Variants in ADK observed in about 807,000 individuals in gnomAD.
ADK encodes the protein adenosine kinase.
In ADK, 24 loss-of-function variants were observed where a neutral mutation model predicts 44.7. The ratio of observed to expected loss-of-function variants is 0.54; its 90% CI spans 0.39 to 0.76. ADK has a LOEUF of 0.76. ADK is among the 30% of genes least tolerant of loss of function. The pLI is 0.00. For missense variants in ADK, 321 were observed against 425.1 expected (o/e 0.76, Z 2.15); for synonymous variants, 128 against 142.6 (o/e 0.90, Z 0.73).
At chr10:74,225,069 A>G (rs1844480701) in intron 3 of ADK, among the ~76,000 whole-genome samples, 1 of 152,194 alleles carries the variant, frequency 6.6e-6, no homozygotes, top group South Asian at 2.1e-4. Flanking sequence ...TGTTTGGTAC[A>G]AGGTAAAACA....
rs150617447 is a variant in ADK at position 74,242,411 on chromosome 10, C to T, written c.194+17820C>T. On this transcript the variant is annotated intron_variant, in intron 3 of 10. Coordinates refer to ENST00000539909, the MANE Select transcript of ADK (RefSeq NM_006721.4). Reference sequence around the variant, plus strand: ...TCCATTGTACACTCAGTGCCTAGCACGGGGTAACACAGTATGTGATTAACC... The same window carrying T: ...TCCATTGTACACTCAGTGCCTAGCATGGGGTAACACAGTATGTGATTAACC... Among the ~76,000 whole-genome samples the T allele has an allele frequency of 4.6e-3, 699 of 152,266 alleles. 2 individuals are homozygous for T. The highest frequency in any genetic ancestry group is 0.02 in the Middle Eastern group (6 of 294).
chr10:74,329,891 A>G (rs1164408372), intron 4 of ADK, among the ~76,000 whole-genome samples: 6 of 152,128 alleles, frequency 3.9e-5, no homozygotes, highest in African/African-American at 1.2e-4. Flanking sequence ...GCCAGATGTG[A>G]TGGCTCACGC....
At chr10:74,697,743 G>A (rs966974529) in intron 10 of ADK, among the ~76,000 whole-genome samples, 2 of 152,112 alleles carry the variant, frequency 1.3e-5, no homozygotes, top group African/African-American at 4.8e-5. Flanking sequence ...CTCTGTAAAT[G>A]ACACTAAGAA....
chr10:74,517,548 G>A (rs188418366), intron 6 of ADK, among the ~76,000 whole-genome samples: 1 of 151,974 alleles, frequency 6.6e-6, no homozygotes, highest in African/African-American at 2.4e-5. Context: ...AACTAGCTGG[G>A]CGTCGTGGTG....
At chr10:74,330,735 A>G (rs949493591) in intron 4 of ADK, among the ~76,000 whole-genome samples, 1 of 152,170 alleles carries the variant, frequency 6.6e-6, no homozygotes, top group Admixed American at 6.5e-5. Flanking sequence ...ACCAGCACCA[A>G]TATGTTGGCC....
chr10:74,696,146 G>T (rs1026127166), intron 10 of ADK, among the ~76,000 whole-genome samples: 7 of 151,594 alleles, frequency 4.6e-5, no homozygotes, highest in African/African-American at 1.7e-4. Context: ...TTAGCCAACC[G>T]AATAGCTAGG....
intron 9 of ADK, among the ~76,000 whole-genome samples, chr10:74,606,425 A>T (rs912637886): frequency 8.6e-5 from 13 of 151,564 alleles, no homozygotes; most frequent in Admixed American, 8.6e-4. Flanking sequence ...TGTCCCAGAG[A>T]TTCGTTGGGT....
chr10:74,217,423 G>A (rs936743647), intron 2 of ADK, among the ~76,000 whole-genome samples: 1 of 152,226 alleles, frequency 6.6e-6, no homozygotes, highest in Non-Finnish European at 1.5e-5. Flanking sequence ...GCCTCTGTAG[G>A]TTGCACCTCT....
Position 74,596,025 on chromosome 10 carries a change from A to AT in ADK, c.763-4352dup, listed in dbSNP as rs1405316087. ...AAAAAAAAAAAAAAAAACCACTGAAATTCGCTGGAGTAAAAATATGAGCCA... is the reference window on the plus strand; with the variant it reads ...AAAAAAAAAAAAAAAAACCACTGAAATTTCGCTGGAGTAAAAATATGAGCCA... On this transcript the variant is annotated intron_variant, in intron 8 of 10. Transcript: ENST00000539909. Among the ~76,000 whole-genome samples, 117 of 151,408 alleles carry AT rather than the reference A, an allele frequency of 7.7e-4. 1 individual carries two copies. Among genetic ancestry groups the AT allele is most frequent in the South Asian group, 4.2e-3 (20 of 4,764 alleles).
At chr10:74,413,144 C>A (rs1844246628) in intron 6 of ADK, among the ~76,000 whole-genome samples, 1 of 151,788 alleles carries the variant, frequency 6.6e-6, no homozygotes, top group Admixed American at 6.6e-5. Context: ...ACAGGCAGAG[C>A]AGATTTAACA....
chr10:74,288,548 G>T (rs1459105830), intron 3 of ADK, among the ~76,000 whole-genome samples: 1 of 152,120 alleles, frequency 6.6e-6, no homozygotes, highest in Non-Finnish European at 1.5e-5. Flanking sequence ...TACTCTGGAG[G>T]CTGAGGCAGG....
chr10:74,354,945 T>C (rs1026263205), intron 4 of ADK, among the ~76,000 whole-genome samples: 3 of 152,252 alleles, frequency 2.0e-5, no homozygotes, highest in Non-Finnish European at 4.4e-5. Flanking sequence ...TTATAATGCA[T>C]TAAGTACAGT....
chr10:74,160,932 C>T (rs1841880697), intron 1 of ADK, among the ~76,000 whole-genome samples: 1 of 152,068 alleles, frequency 6.6e-6, no homozygotes, highest in Non-Finnish European at 1.5e-5. Context: ...TCCTCTTCTC[C>T]CCTTCCAAAA....
chr10:74,255,859 C>G (rs1265459655), intron 3 of ADK, among the ~76,000 whole-genome samples: 1 of 152,130 alleles, frequency 6.6e-6, no homozygotes, highest in Non-Finnish European at 1.5e-5. Context: ...CACTGTGGAA[C>G]TTTAGTCATT....
chr10:74,364,759 A>G (rs1005467498), intron 4 of ADK, among the ~76,000 whole-genome samples: 2 of 146,618 alleles, frequency 1.4e-5, no homozygotes, highest in African/African-American at 5.1e-5. Flanking sequence ...ACCTCTTTCA[A>G]ATGAATTCCA....
intron 10 of ADK, among the ~76,000 whole-genome samples, chr10:74,676,895 A>G (rs1470342274): frequency 6.6e-6 from 1 of 152,218 alleles, no homozygotes; most frequent in Non-Finnish European, 1.5e-5. Context: ...AAAACCACTC[A>G]GCAATCACAA....
chr10:74,645,435 A>G (rs1185501715), intron 9 of ADK, among the ~76,000 whole-genome samples: 1 of 152,174 alleles, frequency 6.6e-6, no homozygotes, highest in Non-Finnish European at 1.5e-5. Context: ...TGAAGATTTT[A>G]TTTCTTAATC....
chr10:74,462,449 A>G (rs994765736), intron 6 of ADK, among the ~76,000 whole-genome samples: 10 of 151,802 alleles, frequency 6.6e-5, no homozygotes, highest in Admixed American at 3.3e-4. Flanking sequence ...TTGTGTGTAT[A>G]TGTGTGTGTG....
At chr10:74,333,620 A>G (rs1035033268) in intron 4 of ADK, among the ~76,000 whole-genome samples, 8 of 152,098 alleles carry the variant, frequency 5.3e-5, no homozygotes, top group African/African-American at 1.9e-4. Context: ...TTTATTTTTG[A>G]TATCTTGATT....
Sources: allele counts gnomAD v4.1 joint callset (sites outside exome capture counted in the v4.1 genomes callset), GRCh38; gene constraint gnomAD v4.1.1; transcripts MANE v1.5; gene names NCBI Gene and HGNC (gene_info 2026-07-23, HGNC 2026-07-21).